Variants in UBR3 observed in about 807,000 individuals in gnomAD.
UBR3 encodes E3 ubiquitin-protein ligase UBR3.
A neutral mutation model predicts 243.2 loss-of-function variants in UBR3; 85 were observed. The observed-to-expected ratio is 0.35, with a 90% CI of 0.29 to 0.42. The LOEUF is 0.42. Ranked by LOEUF, UBR3 falls within the 10% of genes least tolerant of loss-of-function variation. UBR3 has a pLI of 1.00. For synonymous variants in UBR3, 748 were observed against 799.8 expected, an observed-to-expected ratio of 0.94 and a Z score of 1.09; for missense variants, 1,686 against 2,300.8, an observed-to-expected ratio of 0.73 and a Z score of 5.47.
At chr2:169,871,654 G>C (rs1394714351) in intron 1 of UBR3, among the ~76,000 whole-genome samples, 1 of 147,420 alleles carries the variant, frequency 6.8e-6, no homozygotes, top group Non-Finnish European at 1.5e-5. Context: ...AGGCTGAGGT[G>C]GGGGAATCGC....
At chr2:170,079,061 ATTAC>A (rs1328467416) in intron 36 of UBR3, among the ~76,000 whole-genome samples, 2 of 152,158 alleles carry the variant, frequency 1.3e-5, no homozygotes, top group African/African-American at 4.8e-5. Context: ...TAAATTGACT[ATTAC>A]TTACAGTTTC....
chr2:169,999,948 G>A (rs1309009854), intron 26 of UBR3, among the ~76,000 whole-genome samples: 1 of 152,064 alleles, frequency 6.6e-6, no homozygotes, highest in Non-Finnish European at 1.5e-5. Flanking sequence ...CCAACATGGA[G>A]AAACCCTGTC....
rs2086929780 is a variant in UBR3 at position 169,949,661 on chromosome 2, G to A, written c.3141G>A (p.Gln1047=). ...TAGCAGAACGTAGAAAGAAATTTCAGGAAATCATCAATCGCAGTAGCAGTG... is the reference window on the plus strand; with the variant it reads ...TAGCAGAACGTAGAAAGAAATTTCAAGAAATCATCAATCGCAGTAGCAGTG... ...SLVAERRKKF[Q]EIINRSSSEA... The change falls in exon 23 of 39, where the codon CAG becomes CAA. Residue 1047 remains glutamine (Q), a synonymous_variant. Coordinates refer to ENST00000272793, the MANE Select transcript of UBR3 (RefSeq NM_172070.4). The A allele has an allele frequency of 6.4e-7, 1 of 1,550,802 alleles. No individual in the cohort carries two copies. Among genetic ancestry groups the A allele is most frequent in the African/African-American group, 1.4e-5 (1 of 73,122 alleles).
At chr2:169,832,027 G>A (rs891063137) in intron 1 of UBR3, among the ~76,000 whole-genome samples, 43 of 152,252 alleles carry the variant, frequency 2.8e-4, no homozygotes, top group Admixed American at 9.8e-4. Context: ...TTGCCTGTAG[G>A]ATGTTCTTGA....
intron 32 of UBR3, among the ~76,000 whole-genome samples, 165 bp from the exon 33 acceptor site, chr2:170,055,295 C>T (rs1311839359): frequency 6.6e-6 from 1 of 152,052 alleles, no homozygotes; most frequent in Non-Finnish European, 1.5e-5. Flanking sequence ...CACCACACTG[C>T]CTGGGTGACA....
chr2:169,948,060 G>T (rs1171016732), intron 22 of UBR3: 2 of 509,968 alleles, frequency 3.9e-6, no homozygotes, highest in East Asian at 3.1e-4. Context: ...TTAAAAGAAG[G>T]TTTCTTGGAT....
intron 1 of UBR3, among the ~76,000 whole-genome samples, chr2:169,852,341 A>T (rs528275724): frequency 5.9e-5 from 9 of 152,312 alleles, no homozygotes; most frequent in Admixed American, 3.9e-4. Context: ...CTATGGCTTT[A>T]CATGCTTTTG....
chr2:169,944,017 A>T (rs1196077102), intron 20 of UBR3, among the ~76,000 whole-genome samples: 1 of 152,114 alleles, frequency 6.6e-6, no homozygotes, highest in Non-Finnish European at 1.5e-5. Context: ...TGGGTGGTTT[A>T]TTTTCATTAA....
At chr2:169,878,603 A>G (rs2083706178) in intron 5 of UBR3, 29 bp downstream of exon 5, 4 of 1,539,944 alleles carry the variant, frequency 2.6e-6, no homozygotes, top group African/African-American at 1.4e-5. Context: ...AACTTTTTAA[A>G]AAGTACAATT....
intron 1 of UBR3, among the ~76,000 whole-genome samples, chr2:169,863,990 A>G (rs1298092967): frequency 2.6e-5 from 4 of 152,006 alleles, no homozygotes; most frequent in East Asian, 3.9e-4. Flanking sequence ...GACAAACCCA[A>G]TCTAAAGGAG....
chr2:169,829,812 AGTACACACACACAC>A (rs751700077), intron 1 of UBR3, among the ~76,000 whole-genome samples: 1 of 128,796 alleles, frequency 7.8e-6, no homozygotes, highest in Non-Finnish European at 1.6e-5. Context: ...ATAGCTAAAA[AGTACACACACACAC>A]ACACACACAC....
At chr2:170,002,340 A>C (rs1298285898) in intron 27 of UBR3, among the ~76,000 whole-genome samples, 1 of 152,186 alleles carries the variant, frequency 6.6e-6, no homozygotes, top group Non-Finnish European at 1.5e-5. Flanking sequence ...GTTATGGGCT[A>C]TAAATACTGC....
At chr2:169,875,558 G>A (rs929813268) in intron 2 of UBR3, among the ~76,000 whole-genome samples, 5 of 152,128 alleles carry the variant, frequency 3.3e-5, no homozygotes, top group African/African-American at 1.2e-4. Context: ...GGTCATCTGT[G>A]TTTTTCCATC....
At chr2:169,985,257 T>G (rs2088949979) in intron 24 of UBR3, among the ~76,000 whole-genome samples, 2 of 146,072 alleles carry the variant, frequency 1.4e-5, no homozygotes, top group Non-Finnish European at 3.0e-5. Context: ...AGACGTAGTT[T>G]CACTCTTGTT....
intron 35 of UBR3, among the ~76,000 whole-genome samples, chr2:170,065,966 CG>C (rs2091559034): frequency 7.0e-6 from 1 of 143,040 alleles, no homozygotes; most frequent in African/African-American, 2.6e-5. Context: ...CTACGTATCC[CG>C]TGCCTTTTTT....
In UBR3 at chr2:170,010,072, G is replaced by T. The variant is rs2105406922; in HGVS notation, c.4367+1132G>T. Among the ~76,000 whole-genome samples the T allele has an allele frequency of 1.3e-5, 2 of 152,212 alleles. 1 individual carries two copies. Among genetic ancestry groups the T allele is most frequent in the South Asian group, 4.1e-4 (2 of 4,826 alleles). ...ATACTGGACATGGGTTGATGTAAAA[G>T]GATTTAATGGATTGGAAAGTAACTT... is the stretch of plus-strand genomic sequence containing the variant. On this transcript the variant is annotated intron_variant, in intron 29 of 38. Transcript: ENST00000272793.
chr2:169,865,026 T>C (rs1574075148), intron 1 of UBR3, among the ~76,000 whole-genome samples: 1 of 151,478 alleles, frequency 6.6e-6, no homozygotes, highest in Non-Finnish European at 1.5e-5. Flanking sequence ...GTGGAGGCTG[T>C]GGTGAGCCGA....
At chr2:169,886,539 G>T (rs2084109751) in intron 5 of UBR3, among the ~76,000 whole-genome samples, 1 of 152,076 alleles carries the variant, frequency 6.6e-6, no homozygotes, top group African/African-American at 2.4e-5. Flanking sequence ...TTTACTTTTA[G>T]ATATTAATAT....
At chr2:169,833,807 G>T (rs2082008150) in intron 1 of UBR3, among the ~76,000 whole-genome samples, 1 of 150,770 alleles carries the variant, frequency 6.6e-6, no homozygotes, top group African/African-American at 2.4e-5. Flanking sequence ...TTAGTGACAG[G>T]TTCTCGCAGT....
Sources: allele counts gnomAD v4.1 joint callset (sites outside exome capture counted in the v4.1 genomes callset), GRCh38; gene constraint gnomAD v4.1.1; transcripts MANE v1.5; gene names NCBI Gene and HGNC (gene_info 2026-07-23, HGNC 2026-07-21).